TRERF1: variants seen among roughly 807,000 people sequenced by gnomAD.
TRERF1 encodes the protein transcriptional regulating factor 1.
TRERF1 carries 27 observed loss-of-function variants against 122.9 expected under a neutral mutation model. The ratio of observed to expected loss-of-function variants is 0.22; its 90% CI spans 0.16 to 0.30. The LOEUF (loss-of-function observed/expected upper bound fraction) is 0.30, where lower values mean the gene tolerates loss of function less well. Among genes scored for constraint, TRERF1 ranks in the 10% least tolerant of loss-of-function variants. TRERF1 has a pLI of 1.00. For missense variants in TRERF1, 1,248 were observed against 1,560.3 expected, an observed-to-expected ratio of 0.80 and a Z score of 3.37; for synonymous variants, 636 against 641.7, an observed-to-expected ratio of 0.99 and a Z score of 0.13.
intron 17 of TRERF1, among the ~76,000 whole-genome samples, chr6:42,231,395 C>A (rs1770521037): frequency 6.6e-6 from 1 of 152,200 alleles, no homozygotes; most frequent in Admixed American, 6.5e-5. Context: ...GTAAAGAATC[C>A]TTTAAAACAG....
At chr6:42,318,011 G>A (rs754814685) in intron 3 of TRERF1, among the ~76,000 whole-genome samples, 22 of 152,006 alleles carry the variant, frequency 1.4e-4, no homozygotes, top group Non-Finnish European at 2.2e-4. Flanking sequence ...AAAATTAGCT[G>A]GGCGTGGTGG....
At chr6:42,429,343 C>T (rs1435059760) in intron 2 of TRERF1, among the ~76,000 whole-genome samples, 1 of 152,074 alleles carries the variant, frequency 6.6e-6, no homozygotes, top group East Asian at 1.9e-4. Context: ...CCTGCGAGGT[C>T]TGGGAAGCCC....
At chr6:42,289,347 CA>C (rs752960127) in intron 4 of TRERF1, among the ~76,000 whole-genome samples, 1,691 of 112,258 alleles carry the variant, frequency 0.015, 17 homozygotes, top group African/African-American at 0.026. Context: ...AACAAACAAA[CA>C]AAAAAAAAAC....
chr6:42,384,607 A>G (rs1202997063), intron 2 of TRERF1, among the ~76,000 whole-genome samples: 1 of 152,190 alleles, frequency 6.6e-6, no homozygotes, highest in Non-Finnish European at 1.5e-5. Context: ...TACACACCTC[A>G]ACTATTAAAT....
At chr6:42,362,074 C>T (rs912521994) in intron 3 of TRERF1, among the ~76,000 whole-genome samples, 2 of 152,196 alleles carry the variant, frequency 1.3e-5, no homozygotes, top group Admixed American at 1.3e-4. Flanking sequence ...ACTGCTGGCC[C>T]TGGGTGCTTC....
At chr6:42,231,871 GA>G (rs941656310) in intron 17 of TRERF1, among the ~76,000 whole-genome samples, 16 of 152,162 alleles carry the variant, frequency 1.1e-4, no homozygotes, top group African/African-American at 3.4e-4. Flanking sequence ...CTGGCACTGT[GA>G]TTTAGGTCAA....
At chr6:42,440,557 A>G (rs1326102658) in intron 2 of TRERF1, among the ~76,000 whole-genome samples, 3 of 152,150 alleles carry the variant, frequency 2.0e-5, no homozygotes, top group African/African-American at 7.2e-5. Flanking sequence ...CTGGAGCCCT[A>G]ATGCTGATAC....
chr6:42,231,809 C>A (rs1173320852), intron 17 of TRERF1, among the ~76,000 whole-genome samples: 2 of 152,184 alleles, frequency 1.3e-5, no homozygotes, highest in East Asian at 3.8e-4. Context: ...TGGTCAGAAG[C>A]CCAGGTCTGC....
rs145029506 is a variant in TRERF1, at chr6:42,268,776, G to A, written c.815C>T (p.Pro272Leu). ...TTGCCCGGCTTGCTGCTGTTGCTGCGGTGGGTAATACTGGTGCTGCTGCAT... is the reference window on the plus strand; with the variant it reads ...TTGCCCGGCTTGCTGCTGTTGCTGCAGTGGGTAATACTGGTGCTGCTGCAT... The change falls in exon 5 of 18, where the codon CCG (proline) becomes CTG (leucine). Residue 272 changes from proline to leucine, a missense_variant. By Grantham distance (98) the Pro-to-Leu change is moderately conservative (BLOSUM62 -3). Coordinates refer to ENST00000372922, the Ensembl canonical transcript of TRERF1. This position sits in a 1 kb window ranked among gnomAD's most constrained non-coding sequence, Gnocchi z 4.4. 15 of 1,613,982 alleles carry A rather than the reference G, an allele frequency of 9.3e-6. No individual in the cohort carries two copies. The highest frequency in any genetic ancestry group is 4.0e-5 in the African/African-American group (3 of 74,868).
chr6:42,434,958 T>C (rs1785077147), intron 2 of TRERF1, among the ~76,000 whole-genome samples: 1 of 151,932 alleles, frequency 6.6e-6, no homozygotes, highest in Non-Finnish European at 1.5e-5. Context: ...TGAAACCCCG[T>C]CTCAACTAAA....
At chr6:42,342,289 C>T (rs1321111433) in intron 3 of TRERF1, among the ~76,000 whole-genome samples, 1 of 152,168 alleles carries the variant, frequency 6.6e-6, no homozygotes, top group Non-Finnish European at 1.5e-5. Flanking sequence ...CCAGGAACTC[C>T]CTCAGCCCTA....
chr6:42,301,722 G>A (rs1371966570), intron 3 of TRERF1, among the ~76,000 whole-genome samples: 2 of 152,238 alleles, frequency 1.3e-5, no homozygotes, highest in Admixed American at 1.3e-4. Context: ...CTCAATTTCT[G>A]AACTTATCTC....
At chr6:42,346,111 G>A (rs1175600337) in intron 3 of TRERF1, among the ~76,000 whole-genome samples, 1 of 152,256 alleles carries the variant, frequency 6.6e-6, no homozygotes. Flanking sequence ...TGAGGTAAGT[G>A]TGGGCAAGAA....
At chr6:42,290,193 A>C (rs1214778890) in intron 4 of TRERF1, among the ~76,000 whole-genome samples, 2 of 152,186 alleles carry the variant, frequency 1.3e-5, no homozygotes, top group Non-Finnish European at 2.9e-5. Context: ...ACACCGCTTC[A>C]AACTGTTTCT....
chr6:42,370,798 A>G (rs1293853086), intron 2 of TRERF1, among the ~76,000 whole-genome samples: 1 of 152,092 alleles, frequency 6.6e-6, no homozygotes, highest in African/African-American at 2.4e-5. Context: ...ACATAGGTAT[A>G]AAGCCCCTTC....
intron 3 of TRERF1, among the ~76,000 whole-genome samples, chr6:42,307,720 T>C (rs1192873432): frequency 6.6e-6 from 1 of 151,714 alleles, no homozygotes; most frequent in African/African-American, 2.4e-5. Context: ...CGATCGCTAT[T>C]ACAACAGCAC....
At chr6:42,444,621 C>T (rs1050683075) in intron 2 of TRERF1, among the ~76,000 whole-genome samples, 12 of 152,088 alleles carry the variant, frequency 7.9e-5, no homozygotes, top group Non-Finnish European at 1.6e-4. Flanking sequence ...CCTGAAGTAT[C>T]CCCCACCCCC....
chr6:42,249,447 A>G (rs1258389079), intron 13 of TRERF1, among the ~76,000 whole-genome samples: 2 of 152,154 alleles, frequency 1.3e-5, no homozygotes, highest in Admixed American at 6.5e-5. Flanking sequence ...CATGTTTCCA[A>G]ATTGCTTGCC....
intron 3 of TRERF1, among the ~76,000 whole-genome samples, chr6:42,358,026 G>A (rs1413492954): frequency 6.6e-6 from 1 of 152,010 alleles, no homozygotes; most frequent in East Asian, 1.9e-4. Context: ...TTTCTCACAA[G>A]CACCCCTTCC....
Sources: gnomAD v4.1 joint callset for allele counts (sites outside exome capture counted in the v4.1 genomes callset) on GRCh38, gnomAD v4.1.1 for gene constraint, Gnocchi (gnomAD v3.1) non-coding constraint, MANE v1.5 for transcripts, NCBI Gene and HGNC (gene_info 2026-07-23, HGNC 2026-07-21) for gene names.